The following MYO7A variants were observed in gnomAD, a reference collection of about 807,000 sequenced individuals.
The protein encoded by MYO7A is myosin VIIA, also known as unconventional myosin-VIIa.
A neutral mutation model predicts 263.8 loss-of-function variants in MYO7A; 210 were observed. The observed-to-expected ratio is 0.80, with a 90% CI of 0.71 to 0.89. The LOEUF is 0.89. MYO7A is among the 40% of genes least tolerant of loss of function. MYO7A has a pLI of 0.00. For synonymous variants in MYO7A, 1,239 were observed against 1,197.3 expected, an observed-to-expected ratio of 1.03 and a Z score of -0.72; for missense variants, 2,820 against 2,968.3, an observed-to-expected ratio of 0.95 and a Z score of 1.16.
intron 46 of MYO7A, 95 bp downstream of exon 46, chr11:77,212,032 C>A: frequency 9.8e-7 from 1 of 1,016,268 alleles, no homozygotes; most frequent in Non-Finnish European, 1.5e-6. Context: ...AGAGCCATGG[C>A]CTTGGACACC....
At chr11:77,159,798 A>G (rs534670627) in intron 10 of MYO7A, among the ~76,000 whole-genome samples, 44 of 152,174 alleles carry the variant, frequency 2.9e-4, no homozygotes, top group Non-Finnish European at 3.5e-4. Context: ...CTCAGTCTCC[A>G]CATCTGGGCA....
chr11:77,169,231 C>T (rs546762990), intron 15 of MYO7A, among the ~76,000 whole-genome samples: 2 of 152,260 alleles, frequency 1.3e-5, no homozygotes, highest in Non-Finnish European at 2.9e-5. Flanking sequence ...ATCCCCGAGC[C>T]CTGAGTTTTC....
chr11:77,191,377 A>G (rs1751921335), intron 30 of MYO7A, among the ~76,000 whole-genome samples: 1 of 152,226 alleles, frequency 6.6e-6, no homozygotes, highest in African/African-American at 2.4e-5. Flanking sequence ...GGGAAAACCC[A>G]GCAGTAGGAT....
intron 45 of MYO7A, 86 bp downstream of exon 45, chr11:77,211,423 G>C: frequency 7.2e-7 from 1 of 1,385,946 alleles, no homozygotes; most frequent in Non-Finnish European, 9.8e-7. Flanking sequence ...ACACTGGCCA[G>C]CAGCCCAGGG....
chr11:77,148,102 C>G (rs1163381385), intron 4 of MYO7A, among the ~76,000 whole-genome samples, 152 bp downstream of exon 4: 1 of 152,194 alleles, frequency 6.6e-6, no homozygotes, highest in Admixed American at 6.5e-5. Context: ...CCCGGGGCCC[C>G]TGCTGGGGCC....
intron 29 of MYO7A, 82 bp downstream of exon 29, chr11:77,190,221 GAGTGCCCCA>G: frequency 7.6e-7 from 1 of 1,308,968 alleles, no homozygotes. Context: ...CAGTGCACTC[GAGTGCCCCA>G]GAAACATTCC....
chr11:77,131,645 T>C (rs1950770461), intron 2 of MYO7A, among the ~76,000 whole-genome samples: 1 of 152,160 alleles, frequency 6.6e-6, no homozygotes, highest in Admixed American at 6.5e-5. Context: ...GCGTCCTCCC[T>C]CAGGGGGCCT....
intron 2 of MYO7A, among the ~76,000 whole-genome samples, chr11:77,137,910 C>T (rs1555048235): frequency 6.6e-6 from 1 of 152,202 alleles, no homozygotes; most frequent in South Asian, 2.1e-4. Context: ...CAATGCATCT[C>T]TCCTTTAGTC....
rs1481745974 is a variant in MYO7A, at chr11:77,184,724, C to T, written c.3503+9C>T. On this transcript the variant is annotated intron_variant, in intron 27 of 48. Coordinates refer to ENST00000409709, the MANE Select transcript of MYO7A (RefSeq NM_000260.4). ...CTGCGGCCAGCACTCCGGTCAGTGC[C>T]GGGAGGCGGGGACACCAGGGCCTGA... 1.4e-4 allele frequency: 213 copies of T among 1,553,864 alleles called. 1 individual carries two copies. The highest frequency in any genetic ancestry group is 6.7e-4 in the Middle Eastern group (4 of 6,008).
chr11:77,182,061 G>A lies in MYO7A; in HGVS notation c.3015G>A (p.Ala1005=), dbSNP rs782375410. Residue 1005 remains alanine, a synonymous_variant, in exon 24 of 49, where the codon GCG becomes GCA. Transcript: ENST00000409709. ...CTGAGTATAAATTTGCCAAGTTCGC[G>A]GCCACCTACTTCCAGGGGACAACCA... ...DLSEYKFAKF[A]ATYFQGTTTH... The A allele has an allele frequency of 2.8e-5, 45 of 1,613,224 alleles. No individual in the cohort carries two copies. The highest frequency in any genetic ancestry group is 2.0e-5 in the Non-Finnish European group (24 of 1,179,728).
chr11:77,194,310 G>C, intron 31 of MYO7A, 44 bp from the exon 32 acceptor site: 8 of 1,585,472 alleles, frequency 5.0e-6, no homozygotes, highest in Non-Finnish European at 6.9e-6. Context: ...GGGCTTCCTG[G>C]AGGGGCCTGG....
chr11:77,150,118 C>T (rs888761220), intron 4 of MYO7A, among the ~76,000 whole-genome samples: 29 of 152,226 alleles, frequency 1.9e-4, no homozygotes, highest in Admixed American at 1.8e-3. Flanking sequence ...GTCATTGTCC[C>T]TATGCTGAGG....
At position 77,179,791 on chromosome 11, in the gene MYO7A, G is replaced by T; in HGVS notation, c.2424G>T (p.Gln808His). The T allele has an allele frequency of 1.3e-6, 2 of 1,550,810 alleles. No individual in the cohort carries two copies. Residue 808 changes from glutamine to histidine, a missense_variant, in exon 21 of 49, where the codon CAG becomes CAT. Transcript: ENST00000409709. ...QALHRSRKLH[Q>H]QYRLARQRII... ...TGCACCGCTCCCGGAAGCTGCACCA[G>T]CAGTACCGCCTGGCCCGCCAGCGCA... is the stretch of plus-strand genomic sequence containing the variant.
intron 4 of MYO7A, among the ~76,000 whole-genome samples, chr11:77,149,063 C>G (rs182298491): frequency 1.3e-5 from 2 of 152,350 alleles, no homozygotes; most frequent in Non-Finnish European, 2.9e-5. Flanking sequence ...AACTGCTGCT[C>G]TAGCCCAATA....
At chr11:77,188,716 A>G (rs1555089767) in intron 27 of MYO7A, among the ~76,000 whole-genome samples, 1 of 152,228 alleles carries the variant, frequency 6.6e-6, no homozygotes, top group African/African-American at 2.4e-5. Flanking sequence ...TCATCTTCAC[A>G]GCAATCTTGT....
chr11:77,182,125 C>T lies in MYO7A; in HGVS notation c.3079C>T (p.Leu1027Phe). 6.2e-7 allele frequency: 1 copy of T among 1,613,464 alleles called. No homozygotes were observed. The highest frequency in any genetic ancestry group is 8.5e-7 in the Non-Finnish European group (1 of 1,179,878). Residue 1027 changes from leucine (L) to phenylalanine (F), a missense_variant, in exon 24 of 49, where the codon CTC (leucine) becomes TTC (phenylalanine). Physicochemically the swap from Leu to Phe is conservative, Grantham distance 22 (BLOSUM62 0). Coordinates refer to ENST00000409709, the MANE Select transcript of MYO7A (RefSeq NM_000260.4). ...CCGGCGGCCACTCAAACAGCCACTG[C>T]TCTACCATGACGACGAGGGTGACCA... ...YTRRPLKQPL[L>F]YHDDEGDQLA...
intron 26 of MYO7A, 97 bp from the exon 27 acceptor site, chr11:77,184,489 TTC>T: frequency 9.9e-7 from 1 of 1,012,306 alleles, no homozygotes; most frequent in South Asian, 1.5e-5. Flanking sequence ...ACTCCTTAGA[TTC>T]TGTTTTCTGG....
intron 25 of MYO7A, 112 bp downstream of exon 25, chr11:77,182,712 G>C: frequency 8.5e-7 from 1 of 1,182,570 alleles, no homozygotes; most frequent in Non-Finnish European, 1.2e-6. Flanking sequence ...ATTCATCTCT[G>C]CCTCACCGAC....
intron 37 of MYO7A, 114 bp from the exon 38 acceptor site, chr11:77,202,946 C>A: frequency 7.6e-7 from 1 of 1,316,774 alleles, no homozygotes; most frequent in South Asian, 1.4e-5. Flanking sequence ...GCCTGGTGCC[C>A]ACTCTCAGCC....
Sources: gnomAD v4.1 joint callset for allele counts (sites outside exome capture counted in the v4.1 genomes callset) on GRCh38, gnomAD v4.1.1 for gene constraint, MANE v1.5 for transcripts, NCBI Gene and HGNC (gene_info 2026-07-23, HGNC 2026-07-21) for gene names.